Variants in MAPK10 observed in about 807,000 individuals in gnomAD.
MAPK10 encodes JNK3 alpha protein kinase.
In MAPK10, 25 loss-of-function variants were observed where a neutral mutation model predicts 59.3. The ratio of observed to expected loss-of-function variants is 0.42; its 90% confidence interval spans 0.31 to 0.59. The LOEUF (loss-of-function observed/expected upper bound fraction) is 0.59, where lower values mean the gene tolerates loss of function less well. MAPK10 is among the 20% of genes least tolerant of loss of function. The pLI, the probability that MAPK10 is intolerant of heterozygous loss-of-function variation, is 0.15. For synonymous variants in MAPK10, 190 were observed against 200.5 expected (o/e 0.95, Z 0.44); for missense variants, 351 against 568.9 (o/e 0.62, Z 3.90).
rs895797062 is a variant in MAPK10, at chr4:86,352,591, G to A, written c.-7+1939C>T. Among the ~76,000 whole-genome samples the A allele has an allele frequency of 2.6e-5, 4 of 152,140 alleles. No individual in the cohort carries two copies. In the South Asian group the frequency reaches 6.2e-4, roughly 24 times the overall value. ...GACAAAAGGTGGGATAGTAGCTAGC[G>A]GTTACCTATGGTGGGGAAGGAAAAG... On this transcript the variant is annotated intron_variant, in intron 2 of 13. Coordinates refer to ENST00000641462, the MANE Select transcript of MAPK10 (RefSeq NM_138982.4).
chr4:86,417,924 T>C (rs185318192), intron 1 of MAPK10, among the ~76,000 whole-genome samples: 1 of 152,318 alleles, frequency 6.6e-6, no homozygotes, highest in Non-Finnish European at 1.5e-5. Context: ...GCCTGAAATG[T>C]AGAAATTTTT....
At chr4:86,273,316 C>T (rs187382794) in intron 2 of MAPK10, among the ~76,000 whole-genome samples, 1 of 152,114 alleles carries the variant, frequency 6.6e-6, no homozygotes, top group Non-Finnish European at 1.5e-5. Flanking sequence ...AAAGCCACAC[C>T]TGTTAGCTAA....
At chr4:86,212,195 G>C (rs973686505) in intron 2 of MAPK10, among the ~76,000 whole-genome samples, 8 of 152,028 alleles carry the variant, frequency 5.3e-5, no homozygotes, top group Non-Finnish European at 1.2e-4. Context: ...TGCTATCTAT[G>C]AGAGATTTGC....
chr4:86,064,234 T>G, intron 11 of MAPK10, 32 bp downstream of exon 11: 1 of 1,612,878 alleles, frequency 6.2e-7, no homozygotes, highest in Non-Finnish European at 8.5e-7. Flanking sequence ...GATTTGTTTG[T>G]GGAAGCAAAG....
At chr4:86,371,316 T>C (rs1056742285) in intron 1 of MAPK10, among the ~76,000 whole-genome samples, 1 of 152,196 alleles carries the variant, frequency 6.6e-6, no homozygotes, top group Non-Finnish European at 1.5e-5. Flanking sequence ...TCACACAGCA[T>C]TTCTTGATGA....
At chr4:86,509,305 T>C (rs781331860) in intron 1 of MAPK10, among the ~76,000 whole-genome samples, 1 of 152,078 alleles carries the variant, frequency 6.6e-6, no homozygotes, top group Non-Finnish European at 1.5e-5. Flanking sequence ...AATTGAAGGA[T>C]TGATATTCTA....
intron 1 of MAPK10, chr4:86,358,328 TAGA>T (rs1735573689): frequency 1.0e-6 from 1 of 985,426 alleles, no homozygotes; most frequent in Non-Finnish European, 1.2e-6. Flanking sequence ...CGATGAGGGA[TAGA>T]AGGAGATATT....
chr4:86,069,440 T>A (rs1229037856), intron 9 of MAPK10, among the ~76,000 whole-genome samples: 1 of 152,102 alleles, frequency 6.6e-6, no homozygotes, highest in African/African-American at 2.4e-5. Context: ...GAAGCTCATC[T>A]AATTATCATG....
intron 2 of MAPK10, among the ~76,000 whole-genome samples, chr4:86,258,560 G>C (rs930343514): frequency 6.6e-5 from 10 of 152,018 alleles, no homozygotes; most frequent in African/African-American, 2.4e-4. Flanking sequence ...GTGCATGCTT[G>C]CTGTCTTTTC....
At chr4:86,048,289 C>T (rs1172734165) in intron 11 of MAPK10, among the ~76,000 whole-genome samples, 2 of 152,034 alleles carry the variant, frequency 1.3e-5, no homozygotes, top group East Asian at 1.9e-4. Flanking sequence ...AAAAATGAAT[C>T]ACTGCAGCAT....
chr4:86,593,632 CT>C (rs1466267444), intron 1 of MAPK10: 17 of 152,132 alleles, frequency 1.1e-4, no homozygotes, highest in Non-Finnish European at 2.2e-4. Context: ...TATTTACAAA[CT>C]TTTTTCAAAA....
At chr4:86,152,808 G>C (rs2066810105) in intron 4 of MAPK10, among the ~76,000 whole-genome samples, 1 of 152,100 alleles carries the variant, frequency 6.6e-6, no homozygotes, top group South Asian at 2.1e-4. Flanking sequence ...CTTATCTACA[G>C]ATGGAATGCA....
intron 2 of MAPK10, among the ~76,000 whole-genome samples, chr4:86,220,383 G>T (rs2089208824): frequency 6.6e-6 from 1 of 152,128 alleles, no homozygotes; most frequent in Admixed American, 6.5e-5. Context: ...ATACTAATTT[G>T]ACCTCTGCAT....
chr4:86,461,978 T>A (rs1306706834), intron 1 of MAPK10, among the ~76,000 whole-genome samples: 2 of 152,250 alleles, frequency 1.3e-5, no homozygotes, highest in East Asian at 3.9e-4. Flanking sequence ...AGCCTTTTCC[T>A]TTTAAATTCA....
chr4:86,254,861 A>G (rs1370156906), intron 2 of MAPK10, among the ~76,000 whole-genome samples: 5 of 152,108 alleles, frequency 3.3e-5, no homozygotes, highest in Admixed American at 3.3e-4. Context: ...TTAAAGGCTT[A>G]TAAAAATTGG....
At chr4:86,398,501 TCCA>T (rs1264535127) in intron 1 of MAPK10, among the ~76,000 whole-genome samples, 3 of 152,292 alleles carry the variant, frequency 2.0e-5, no homozygotes, top group African/African-American at 7.2e-5. Context: ...GTCTGCAGAG[TCCA>T]TGCACTGCCC....
At chr4:86,551,540 C>CTTCCTTCCTTCT (rs1473236937) in intron 1 of MAPK10, among the ~76,000 whole-genome samples, 2 of 150,754 alleles carry the variant, frequency 1.3e-5, no homozygotes, top group Admixed American at 6.6e-5. Flanking sequence ...TCCTTCCTTC[C>CTTCCTTCCTTCT]TTCCTTCCTT....
At position 86,067,177 on chromosome 4, in the gene MAPK10, C is replaced by G. The variant is rs575003530; in HGVS notation, c.985+596G>C. Among the ~76,000 whole-genome samples the G allele has an allele frequency of 4.6e-5, 7 of 152,268 alleles. 1 individual carries two copies. The South Asian group carries it at 1.5e-3, about 32-fold the overall frequency. On this transcript the variant is annotated intron_variant, in intron 10 of 13. Coordinates refer to ENST00000641462, the MANE Select transcript of MAPK10 (RefSeq NM_138982.4). The stretch of plus-strand genomic sequence containing the variant: ...TTTTTGAGACGGAGTCTTGCTCACT[C>G]TATCTCTAGGCTGGAATGCAGTTGC...
At chr4:86,227,935 CA>C (rs1476725456) in intron 2 of MAPK10, among the ~76,000 whole-genome samples, 3 of 152,156 alleles carry the variant, frequency 2.0e-5, no homozygotes, top group Admixed American at 1.3e-4. Context: ...TCCGTACTCA[CA>C]GATCCCTAGA....
Sources: gnomAD v4.1 joint callset for allele counts (sites outside exome capture counted in the v4.1 genomes callset) on GRCh38, gnomAD v4.1.1 for gene constraint, MANE v1.5 for transcripts, NCBI Gene and HGNC (gene_info 2026-07-23, HGNC 2026-07-21) for gene names.